Variants in CPB2 observed in about 807,000 individuals in gnomAD.
The protein encoded by CPB2 is carboxypeptidase B2.
A neutral mutation model predicts 57.0 loss-of-function variants in CPB2; 54 were observed. The observed-to-expected ratio is 0.95, with a 90% CI of 0.76 to 1.19. The LOEUF is 1.19. Among genes scored for constraint, CPB2 ranks in the 50% most tolerant of loss-of-function variants. The pLI, the probability that CPB2 is intolerant of heterozygous loss-of-function variation, is 0.00. For missense variants in CPB2, 426 were observed against 512.0 expected (o/e 0.83, Z 1.62); for synonymous variants, 189 against 178.1 (o/e 1.06, Z -0.49).
Position 46,053,437 on chromosome 13 carries a change from A to ACC in CPB2, c.*175_*176dup. On this transcript the variant is annotated 3_prime_UTR_variant, in exon 11 of 11. Coordinates refer to ENST00000181383, the MANE Select transcript of CPB2 (RefSeq NM_001872.5). ...TTTTTTAAAGGGTAAAAAGACATGA[A>ACC]CCCTAGTCTGCCTTAATGGCAAAGT... The ACC allele has an allele frequency of 4.5e-6, 4 of 888,006 alleles. No homozygotes were observed. Among genetic ancestry groups the ACC allele is most frequent in the Non-Finnish European group, 4.8e-6 (3 of 629,686 alleles). 55.0% of individuals were successfully genotyped at this position (888,006 alleles called of 1,614,324 possible).
At chr13:46,058,457 A>T in intron 8 of CPB2, 76 bp from the exon 9 acceptor site, 3 of 1,250,978 alleles carry the variant, frequency 2.4e-6, no homozygotes. Context: ...CAGACAACGT[A>T]TTCTCCTACC....
intron 8 of CPB2, 81 bp from the exon 9 acceptor site, chr13:46,058,462 C>T: frequency 1.7e-6 from 2 of 1,195,248 alleles, no homozygotes; most frequent in Non-Finnish European, 2.5e-6. Context: ...AACGTATTCT[C>T]CTACCTATGT....
intron 1 of CPB2, among the ~76,000 whole-genome samples, chr13:46,102,588 G>GT (rs2045449731): frequency 1.3e-5 from 1 of 75,594 alleles, no homozygotes; most frequent in Non-Finnish European, 2.7e-5. Flanking sequence ...AAGCCAGACT[G>GT]TTAGTTTTTT....
chr13:46,102,592 G>GTTT (rs11328126), intron 1 of CPB2, among the ~76,000 whole-genome samples: 4 of 116,296 alleles, frequency 3.4e-5, no homozygotes, highest in African/African-American at 9.5e-5. Flanking sequence ...CAGACTGTTA[G>GTTT]TTTTTTTTTT....
At chr13:46,073,433 A>G in intron 6 of CPB2, 1 of 961,652 alleles carries the variant, frequency 1.0e-6, no homozygotes, top group Middle Eastern at 5.3e-4. Context: ...ATGAGAAAAC[A>G]TATTCTGTTT....
At chr13:46,074,789 T>C (rs2139377574) in intron 5 of CPB2, among the ~76,000 whole-genome samples, 1 of 152,232 alleles carries the variant, frequency 6.6e-6, no homozygotes, top group East Asian at 1.9e-4. Flanking sequence ...GTGGTGGGGA[T>C]GGTTTGGGGA....
intron 8 of CPB2, among the ~76,000 whole-genome samples, chr13:46,063,306 C>G (rs1239905896): frequency 6.6e-6 from 1 of 152,006 alleles, no homozygotes; most frequent in Admixed American, 6.6e-5. Flanking sequence ...TTTTTCAACT[C>G]TTTCCCCTCT....
intron 1 of CPB2, among the ~76,000 whole-genome samples, chr13:46,092,979 C>G (rs1457843189): frequency 6.6e-6 from 1 of 152,174 alleles, no homozygotes; most frequent in Non-Finnish European, 1.5e-5. Flanking sequence ...ATGGCGTGAT[C>G]TTGGCTCACT....
intron 5 of CPB2, among the ~76,000 whole-genome samples, chr13:46,077,696 T>TGATAAAGAAAATGTGGATGTG (rs1555309550): frequency 6.6e-6 from 1 of 152,054 alleles, no homozygotes; most frequent in Non-Finnish European, 1.5e-5. Flanking sequence ...AACAGATGAA[T>TGATAAAGAAAATGTGGATGTG]GATAAAGAAA....
At chr13:46,085,434 G>A (rs1052723399) in intron 2 of CPB2, among the ~76,000 whole-genome samples, 1 of 152,116 alleles carries the variant, frequency 6.6e-6, no homozygotes, top group Non-Finnish European at 1.5e-5. Flanking sequence ...GGCTGCCCTG[G>A]TGACCCACTA....
In CPB2 at chr13:46,053,392, G is replaced by A; in HGVS notation, c.*222C>T. 1.9e-6 allele frequency: 1 copy of A among 529,200 alleles called. No individual in the cohort carries two copies. The highest frequency in any genetic ancestry group is 3.6e-5 in the East Asian group (1 of 27,456). The allele number at this position is 529,200 out of a possible 1,614,324, so 32.8% of individuals were successfully genotyped here. A position where few individuals can be genotyped will look rare whatever the true frequency, so the allele number is the denominator to read the frequency against. On this transcript the variant is annotated 3_prime_UTR_variant, in exon 11 of 11. Transcript: ENST00000181383. ...ACGTCGAAAATCAAAGAAAAAGTAG[G>A]TAACTAGACTTTTACAATTTTTTTT...
intron 2 of CPB2, among the ~76,000 whole-genome samples, chr13:46,084,818 A>G (rs1174405289): frequency 3.3e-5 from 5 of 150,930 alleles, no homozygotes; most frequent in Admixed American, 3.3e-4. Context: ...TTTCTCTCTT[A>G]ATGTGCTTTT....
intron 8 of CPB2, among the ~76,000 whole-genome samples, chr13:46,061,499 A>T (rs1260623156): frequency 6.6e-6 from 1 of 152,174 alleles, no homozygotes; most frequent in Non-Finnish European, 1.5e-5. Flanking sequence ...CTCTAATCCA[A>T]TGTGACTGGT....
intron 5 of CPB2, among the ~76,000 whole-genome samples, chr13:46,076,689 T>C (rs1420570913): frequency 6.6e-6 from 1 of 151,882 alleles, no homozygotes; most frequent in African/African-American, 2.4e-5. Flanking sequence ...CTGAACAGAA[T>C]GAGCAAAGCT....
chr13:46,067,494 T>A, intron 6 of CPB2, 77 bp from the exon 7 acceptor site: 1 of 759,806 alleles, frequency 1.3e-6, no homozygotes, highest in Non-Finnish European at 2.2e-6. Context: ...TTCTTTTTTT[T>A]AATTTGTCAT....
At chr13:46,057,967 G>A (rs1298119370) in intron 9 of CPB2, among the ~76,000 whole-genome samples, 2 of 7,642 alleles carry the variant, frequency 2.6e-4, no homozygotes, top group Non-Finnish European at 4.4e-4. Context: ...CCCACGTGCT[G>A]AATAAAGTGT....
At chr13:46,078,934 A>T (rs1424504409) in intron 4 of CPB2, 33 bp from the exon 5 acceptor site, 1 of 1,377,750 alleles carries the variant, frequency 7.3e-7, no homozygotes, top group Non-Finnish European at 1.0e-6. Context: ...TTAGTCACGA[A>T]GCCAAGTTCA....
At position 46,076,714 on chromosome 13, in the gene CPB2, G is replaced by C. The variant is rs558286938; in HGVS notation, c.486+2086C>G. Among the ~76,000 whole-genome samples, 6 of 152,144 alleles carry C rather than the reference G, an allele frequency of 3.9e-5. No individual in the cohort carries two copies. The East Asian group carries it at 1.2e-3, about 29-fold the overall frequency. ...TGAGCAAAGCTGGAGTACTAAAACA[G>C]CATGGTACTGGCATAAAAACAGACA... is the stretch of plus-strand genomic sequence containing the variant. On this transcript the variant is annotated intron_variant, in intron 5 of 10. Transcript: ENST00000181383.
At chr13:46,074,538 G>A (rs911369872) in intron 5 of CPB2, among the ~76,000 whole-genome samples, 3 of 152,140 alleles carry the variant, frequency 2.0e-5, no homozygotes, top group Non-Finnish European at 4.4e-5. Context: ...AGTATGGTGG[G>A]CTAACACAAG....
Sources: gnomAD v4.1 joint callset for allele counts (sites outside exome capture counted in the v4.1 genomes callset) on GRCh38, gnomAD v4.1.1 for gene constraint, MANE v1.5 for transcripts, NCBI Gene and HGNC (gene_info 2026-07-23, HGNC 2026-07-21) for gene names.